The following SHISA9 variants were observed in gnomAD, a reference collection of about 807,000 sequenced individuals.
The protein encoded by SHISA9 is protein shisa-9.
Under a neutral mutation model 38.0 loss-of-function variants are expected in SHISA9, and 13 were observed. That is an observed-to-expected ratio of 0.34 (90% CI 0.22 to 0.54). The LOEUF (loss-of-function observed/expected upper bound fraction) is 0.54. Ranked by LOEUF, SHISA9 falls within the 20% of genes least tolerant of loss-of-function variation. The pLI, the probability that SHISA9 is intolerant of heterozygous loss-of-function variation, is 0.91. For missense variants in SHISA9, 538 were observed against 575.8 expected (o/e 0.93, Z 0.67); for synonymous variants, 275 against 242.0 (o/e 1.14, Z -1.27).
intron 2 of SHISA9, among the ~76,000 whole-genome samples, chr16:13,075,580 AG>A (rs2073571649): frequency 1.3e-5 from 2 of 152,084 alleles, no homozygotes; most frequent in Non-Finnish European, 2.9e-5. Flanking sequence ...ACTCAACCTA[AG>A]GCTTTCTGGA....
intron 2 of SHISA9, among the ~76,000 whole-genome samples, chr16:12,970,351 G>GTATATATATA (rs1182452972): frequency 4.5e-5 from 2 of 44,894 alleles, no homozygotes; most frequent in Non-Finnish European, 7.8e-5. Context: ...ATACATATAT[G>GTATATATATA]TGTATATATA....
intron 1 of SHISA9, among the ~76,000 whole-genome samples, chr16:12,907,182 TTCCC>T (rs1439838575): frequency 1.0e-5 from 1 of 98,688 alleles, no homozygotes; most frequent in East Asian, 3.5e-4. Context: ...CCTTCCACCC[TTCCC>T]TCCCTCCGTC....
chr16:13,457,400 G>T, the SHISA9 span, among the ~76,000 whole-genome samples: 1 of 152,080 alleles, frequency 6.6e-6, no homozygotes, highest in Non-Finnish European at 1.5e-5. Flanking sequence ...TGAACTTCCA[G>T]TTCAGAAGTG....
the SHISA9 span, among the ~76,000 whole-genome samples, chr16:13,410,044 T>G: frequency 6.6e-6 from 1 of 152,344 alleles, no homozygotes; most frequent in African/African-American, 2.4e-5. Flanking sequence ...TTTAGTAGTA[T>G]TAGTAGCATG....
the SHISA9 span, among the ~76,000 whole-genome samples, chr16:13,472,382 T>A: frequency 2.8e-5 from 3 of 107,178 alleles, no homozygotes; most frequent in African/African-American, 8.3e-5. Context: ...GCTAAATTTT[T>A]TTTTTTTTTT....
the SHISA9 span, among the ~76,000 whole-genome samples, chr16:13,540,153 G>C: frequency 6.6e-6 from 1 of 151,622 alleles, no homozygotes; most frequent in Non-Finnish European, 1.5e-5. Context: ...TCAGTGTCCA[G>C]TGTATATGTA....
In SHISA9 at chr16:13,201,400, A is replaced by T. The variant is rs2051005077; in HGVS notation, c.692-1994A>T. ...CAGATGTTATGTAAATAGTTGTTAC[A>T]CTGTATTTTTACTTGTATTATTTTT... On this transcript the variant is annotated intron_variant, in intron 2 of 4. Coordinates refer to ENST00000558583, the MANE Select transcript of SHISA9 (RefSeq NM_001145204.3). Among the ~76,000 whole-genome samples the T allele has an allele frequency of 2.9e-5, 4 of 135,860 alleles. 1 individual carries two copies. Among genetic ancestry groups the T allele is most frequent in the Non-Finnish European group, 3.2e-5 (2 of 62,210 alleles). The allele number at this position is 135,860 out of a possible 152,430, so 89.1% of individuals were successfully genotyped here.
the SHISA9 span, among the ~76,000 whole-genome samples, chr16:13,357,257 C>G: frequency 1.3e-5 from 2 of 152,110 alleles, no homozygotes; most frequent in African/African-American, 4.8e-5. Flanking sequence ...TGACCGGCGC[C>G]GGAGTTTTGG....
chr16:13,396,242 C>T, the SHISA9 span, among the ~76,000 whole-genome samples: 1 of 152,238 alleles, frequency 6.6e-6, no homozygotes, highest in African/African-American at 2.4e-5. Flanking sequence ...TGCAATGGCT[C>T]ACGCCTGTAA....
downstream of SHISA9, among the ~76,000 whole-genome samples, chr16:13,241,940 AT>A (rs2051438450): frequency 6.6e-6 from 1 of 152,150 alleles, no homozygotes; most frequent in African/African-American, 2.4e-5. Flanking sequence ...AGAACAGAGA[AT>A]TACACCTCTG....
chr16:12,969,538 G>T (rs1253165718), intron 2 of SHISA9, among the ~76,000 whole-genome samples: 1 of 152,038 alleles, frequency 6.6e-6, no homozygotes, highest in East Asian at 1.9e-4. Flanking sequence ...GAGGCCAGGA[G>T]TTCGAGACCA....
chr16:13,371,973 C>T, the SHISA9 span, among the ~76,000 whole-genome samples: 1 of 152,360 alleles, frequency 6.6e-6, no homozygotes, highest in South Asian at 2.1e-4. Flanking sequence ...CTCTTGCCTG[C>T]CTTTCTTCTT....
the SHISA9 span, among the ~76,000 whole-genome samples, chr16:13,490,735 C>G: frequency 6.6e-6 from 1 of 152,144 alleles, no homozygotes; most frequent in Admixed American, 6.5e-5. Flanking sequence ...GTCTTCTTCC[C>G]TTCTGTAGTG....
At chr16:13,524,010 T>C in the SHISA9 span, among the ~76,000 whole-genome samples, 4 of 152,196 alleles carry the variant, frequency 2.6e-5, no homozygotes, top group Non-Finnish European at 5.9e-5. Context: ...ATGCAGAATT[T>C]ACCTAGAGTC....
chr16:13,126,162 C>A (rs1281081056), intron 2 of SHISA9, among the ~76,000 whole-genome samples: 6 of 152,174 alleles, frequency 3.9e-5, no homozygotes, highest in Non-Finnish European at 8.8e-5. Context: ...GCCCCATGTG[C>A]ATAGATCAGT....
the SHISA9 span, among the ~76,000 whole-genome samples, chr16:13,558,825 G>A: frequency 2.6e-5 from 4 of 152,210 alleles, no homozygotes; most frequent in Non-Finnish European, 5.9e-5. Context: ...AGATGGCAGA[G>A]TGTTGCCCCG....
chr16:13,339,703 G>A, the SHISA9 span, among the ~76,000 whole-genome samples: 2 of 152,140 alleles, frequency 1.3e-5, no homozygotes, highest in Non-Finnish European at 2.9e-5. Context: ...TAACCATCTG[G>A]ACTTTGAGGC....
Position 13,238,853 on chromosome 16 carries a change from A to ATTATTATT in SHISA9, c.*3444_*3445insTTATTATT, listed in dbSNP as rs2051410705. The ATTATTATT allele has an allele frequency of 1.0e-5, 1 of 99,542 alleles. No individual in the cohort carries two copies. Among genetic ancestry groups the ATTATTATT allele is most frequent in the African/African-American group, 3.4e-5 (1 of 29,538 alleles). The allele number at this position is 99,542 out of a possible 1,614,324, so 6.2% of individuals were successfully genotyped here. On this transcript the variant is annotated 3_prime_UTR_variant, in exon 5 of 5. Transcript: ENST00000558583. The stretch of plus-strand genomic sequence containing the variant: ...TTATTATTATTATTATTATTATTAT[A>ATTATTATT]CTTTAAGTTTTAGGGTACATGTGCA...
At chr16:13,277,429 T>C in the SHISA9 span, among the ~76,000 whole-genome samples, 65 of 150,504 alleles carry the variant, frequency 4.3e-4, no homozygotes, top group Admixed American at 9.2e-4. Flanking sequence ...AATTTTAGAA[T>C]TGTTTTTTTT....
Sources: gnomAD v4.1 joint callset for allele counts (sites outside exome capture counted in the v4.1 genomes callset) on GRCh38, gnomAD v4.1.1 for gene constraint, MANE v1.5 for transcripts, NCBI Gene and HGNC (gene_info 2026-07-23, HGNC 2026-07-21) for gene names.